The following ARAP1 variants were observed in gnomAD, a reference collection of about 807,000 sequenced individuals.
The protein encoded by ARAP1 is ArfGAP with RhoGAP domain, ankyrin repeat and PH domain 1.
ARAP1 carries 76 observed loss-of-function variants against 172.2 expected under a neutral mutation model. That is an observed-to-expected ratio of 0.44 (90% CI 0.37 to 0.53). The LOEUF is 0.53. Among genes scored for constraint, ARAP1 ranks in the 20% least tolerant of loss-of-function variants. The probability of loss-of-function intolerance (pLI) is 0.00; values close to 1 mark genes in which losing one functional copy is unlikely to be tolerated. For missense variants in ARAP1, 1,686 were observed against 1,977.5 expected (o/e 0.85, Z 2.80); for synonymous variants, 804 against 803.3 (o/e 1.00, Z -0.01).
rs1555013463 is a variant in ARAP1, at chr11:72,703,414, G to GC, written c.1993-336_1993-335insG. 2.6e-4 allele frequency: 43 copies of GC among 163,862 alleles called. 4 individuals are homozygous for GC. Among genetic ancestry groups the GC allele is most frequent in the South Asian group, 1.6e-3 (8 of 4,932 alleles). The allele number at this position is 163,862 out of a possible 1,614,324, so 10.2% of individuals were successfully genotyped here. A position where few individuals can be genotyped will look rare whatever the true frequency, so the allele number is the denominator to read the frequency against. ...TTCTGCCTTGTGGAGGAGCCGGGGGGGGGGTGTGCTTTGTAGCTAATTCCT... is the reference window on the plus strand; with the variant it reads ...TTCTGCCTTGTGGAGGAGCCGGGGGGCGGGGTGTGCTTTGTAGCTAATTCCT... On this transcript the variant is annotated intron_variant, in intron 14 of 34. Transcript: ENST00000393609.
chr11:72,714,385 C>T (rs370415875), intron 3 of ARAP1, 64 bp from the exon 4 acceptor site: 3 of 1,474,662 alleles, frequency 2.0e-6, no homozygotes, highest in African/African-American at 2.9e-5. Flanking sequence ...CATACTGAGC[C>T]CCCAGCTCAC....
intron 32 of ARAP1, 37 bp downstream of exon 32, chr11:72,687,651 C>G (rs1207257959): frequency 1.2e-6 from 2 of 1,614,018 alleles, no homozygotes; most frequent in East Asian, 4.5e-5. Context: ...CACCATCTTT[C>G]CTCAGCCTGG....
intron 16 of ARAP1, among the ~76,000 whole-genome samples, chr11:72,701,217 TA>T (rs745318994): frequency 7.5e-5 from 11 of 145,738 alleles, no homozygotes; most frequent in Non-Finnish European, 1.4e-4. Context: ...GCAGAGTGAT[TA>T]GGGGGGTGGT....
chr11:72,711,211 G>A, intron 8 of ARAP1, 70 bp from the exon 9 acceptor site: 1 of 1,591,288 alleles, frequency 6.3e-7, no homozygotes, highest in Non-Finnish European at 8.6e-7. Context: ...CAGCCAAAAT[G>A]AAGTCTGCAG....
chr11:72,734,157 G>A (rs1006655820), intron 1 of ARAP1, among the ~76,000 whole-genome samples: 2 of 152,180 alleles, frequency 1.3e-5, no homozygotes, highest in African/African-American at 4.8e-5. Context: ...GTCTTGCTCT[G>A]TTGCCCAGGC....
rs752278780 is a variant in ARAP1 at position 72,726,632 on chromosome 11, CG to C, written c.496del (p.Arg166AlafsTer4). ...PPVPPRTGPP[R>X]LLVSLPTKEE... ...GGCATCCACTCACCTCACCAGCAGG[CG>C]GGGGGGTCCGGTGCGGGGCGGCACG... is the stretch of plus-strand genomic sequence containing the variant. On this transcript the variant is annotated frameshift_variant, in exon 3 of 35. Transcript: ENST00000393609. LOFTEE classifies it high-confidence loss of function. This position sits in a 1 kb window ranked among gnomAD's most constrained non-coding sequence, Gnocchi z 6.5. 45 of 1,513,630 alleles carry C rather than the reference CG, an allele frequency of 3.0e-5. No individual in the cohort carries two copies. The highest frequency in any genetic ancestry group is 6.4e-5 in the South Asian group (5 of 77,800). The allele number at this position is 1,513,630 out of a possible 1,614,324, so 93.8% of individuals were successfully genotyped here. A position where few individuals can be genotyped will look rare whatever the true frequency, so the allele number is the denominator to read the frequency against.
chr11:72,722,140 G>A, intron 3 of ARAP1: 1 of 984,946 alleles, frequency 1.0e-6, no homozygotes, highest in African/African-American at 1.7e-5. Flanking sequence ...GATCTGTCCA[G>A]GAGGAAAGGA....
intron 22 of ARAP1, 153 bp downstream of exon 22, chr11:72,696,830 T>A (rs1037346481): frequency 1.1e-5 from 11 of 985,972 alleles, no homozygotes; most frequent in Admixed American, 2.6e-5. Flanking sequence ...CCCCTGGCTC[T>A]GTATGGAGCG....
At chr11:72,750,235 G>A (rs1858492830) in intron 1 of ARAP1, among the ~76,000 whole-genome samples, 1 of 152,180 alleles carries the variant, frequency 6.6e-6, no homozygotes, top group African/African-American at 2.4e-5. Flanking sequence ...GGCCCCCAAG[G>A]GTTAAGACCT....
chr11:72,697,185 G>C lies in ARAP1; in HGVS notation c.2964C>G (p.Ser988=). 6.2e-7 allele frequency: 1 copy of C among 1,602,390 alleles called. No individual in the cohort carries two copies. The highest frequency in any genetic ancestry group is 8.5e-7 in the Non-Finnish European group (1 of 1,179,532). ...VDYITQCGLT[S]EGIYRKCGQT... ...GCCCACACTTGCGGTAGATGCCCTCGGAGGTCAGGCCTAGGGAGGGGCGGG... is the reference window on the plus strand; with the variant it reads ...GCCCACACTTGCGGTAGATGCCCTCCGAGGTCAGGCCTAGGGAGGGGCGGG... Residue 988 remains serine, a synonymous_variant, in exon 22 of 35, where the codon TCC becomes TCG. Coordinates refer to ENST00000393609, the MANE Select transcript of ARAP1 (RefSeq NM_001040118.3).
chr11:72,692,724 C>T, intron 30 of ARAP1, 29 bp downstream of exon 30: 1 of 1,613,642 alleles, frequency 6.2e-7, no homozygotes, highest in Non-Finnish European at 8.5e-7. Flanking sequence ...TGGTGTAAGG[C>T]AGCTGGCAGT....
Position 72,702,894 on chromosome 11 carries a change from G to A in ARAP1, c.2167+11C>T, listed in dbSNP as rs1247300102. ...ACAGCCTGGTGGACCCCCACCCTCT[G>A]CCACGCTCACCTGTGGTCCGGTTGT... On this transcript the variant is annotated intron_variant, in intron 15 of 34. Transcript: ENST00000393609. The A allele has an allele frequency of 2.6e-6, 4 of 1,551,750 alleles. No individual in the cohort carries two copies.
At chr11:72,708,021 T>G (rs1447216736) in intron 11 of ARAP1, among the ~76,000 whole-genome samples, 1 of 152,024 alleles carries the variant, frequency 6.6e-6, no homozygotes, top group Non-Finnish European at 1.5e-5. Context: ...GTGGCCGCTA[T>G]AGCATGCCCT....
rs759647813 is a variant in ARAP1, at chr11:72,726,879, T to C, written c.250A>G (p.Met84Val). Reference sequence around the variant, plus strand: ...GGTGAGCGGAAGATGTGGCGCTTCATGGGCACAGGCCGTGGGGTGGGGCGG... The same window carrying C: ...GGTGAGCGGAAGATGTGGCGCTTCACGGGCACAGGCCGTGGGGTGGGGCGG... ...APRPTPRPVP[M>V]KRHIFRSPPV... Residue 84 changes from methionine (M) to valine (V), a missense_variant, in exon 3 of 35, where the codon ATG becomes GTG. Transcript: ENST00000393609. The surrounding 1 kb of genome is among the most constrained non-coding windows in gnomAD (Gnocchi z 6.5). 17 of 1,516,530 alleles carry C rather than the reference T, an allele frequency of 1.1e-5. No homozygotes were observed. The South Asian group carries it at 2.0e-4, about 18-fold the overall frequency. 93.9% of individuals were successfully genotyped at this position (1,516,530 alleles called of 1,614,324 possible). A position where few individuals can be genotyped will look rare whatever the true frequency, so the allele number is the denominator to read the frequency against.
At chr11:72,724,878 G>A (rs1020043556) in intron 3 of ARAP1, among the ~76,000 whole-genome samples, 7 of 152,158 alleles carry the variant, frequency 4.6e-5, no homozygotes, top group Non-Finnish European at 8.8e-5. Context: ...CGACCATGGC[G>A]CCTGGCCTCC....
intron 1 of ARAP1, among the ~76,000 whole-genome samples, chr11:72,742,816 C>A (rs1858241609): frequency 6.6e-6 from 1 of 152,166 alleles, no homozygotes; most frequent in Non-Finnish European, 1.5e-5. Context: ...AAGCAGATCT[C>A]AAATCTGATC....
rs576581124 is a variant in ARAP1 at position 72,722,389 on chromosome 11, T to C, written c.509+4231A>G. On this transcript the variant is annotated intron_variant, in intron 3 of 34. Coordinates refer to ENST00000393609, the MANE Select transcript of ARAP1 (RefSeq NM_001040118.3). Reference sequence around the variant, plus strand: ...AGAATCCCCCGGGGCAGACACTTCCTCCCCGCCCCCAGGCTGCACCCCCAC... The same window carrying C: ...AGAATCCCCCGGGGCAGACACTTCCCCCCCGCCCCCAGGCTGCACCCCCAC... The C allele has an allele frequency of 8.4e-3, 8,279 of 981,646 alleles. 44 individuals are homozygous for C. The highest frequency in any genetic ancestry group is 9.2e-3 in the Non-Finnish European group (7,634 of 826,756). 60.8% of individuals were successfully genotyped at this position (981,646 alleles called of 1,614,324 possible). A position where few individuals can be genotyped will look rare whatever the true frequency, so the allele number is the denominator to read the frequency against.
chr11:72,739,926 G>A (rs571973812), intron 1 of ARAP1, among the ~76,000 whole-genome samples: 8 of 152,228 alleles, frequency 5.3e-5, no homozygotes, highest in South Asian at 4.1e-4. Context: ...CTGACTTCAC[G>A]GCATTCTGGA....
At chr11:72,694,357 C>G (rs1304197708) in intron 27 of ARAP1, among the ~76,000 whole-genome samples, 1 of 151,816 alleles carries the variant, frequency 6.6e-6, no homozygotes, top group Non-Finnish European at 1.5e-5. Flanking sequence ...ATGGCTGCCT[C>G]TGCCTCGATC....
Sources: allele counts gnomAD v4.1 joint callset (sites outside exome capture counted in the v4.1 genomes callset), GRCh38; gene constraint gnomAD v4.1.1; non-coding constraint Gnocchi (gnomAD v3.1); transcripts MANE v1.5; gene names NCBI Gene and HGNC (gene_info 2026-07-23, HGNC 2026-07-21).